Variants in PLCG2 observed in about 807,000 individuals in gnomAD.
PLCG2 encodes the protein 1-phosphatidylinositol 4,5-bisphosphate phosphodiesterase gamma-2.
A neutral mutation model predicts 175.6 loss-of-function variants in PLCG2; 69 were observed. The ratio of observed to expected loss-of-function variants is 0.39; its 90% confidence interval spans 0.32 to 0.48. The LOEUF (loss-of-function observed/expected upper bound fraction) is 0.48, where lower values mean the gene tolerates loss of function less well. PLCG2 is among the 20% of genes least tolerant of loss of function. PLCG2 has a pLI of 0.91. For missense variants in PLCG2, 1,798 were observed against 1,650.9 expected (o/e 1.09, Z -1.54); for synonymous variants, 827 against 624.0 (o/e 1.33, Z -4.85).
At chr16:81,868,311 C>G (rs1907345643) in intron 5 of PLCG2, among the ~76,000 whole-genome samples, 1 of 145,300 alleles carries the variant, frequency 6.9e-6, no homozygotes, top group African/African-American at 2.5e-5. Context: ...CACTTCCCCT[C>G]CCTGGCCCTT....
intron 2 of PLCG2, among the ~76,000 whole-genome samples, chr16:81,824,772 C>T (rs558133422): frequency 6.6e-6 from 1 of 151,908 alleles, no homozygotes; most frequent in African/African-American, 2.4e-5. Context: ...CCTGCACATA[C>T]CCCCAAAGGT....
intron 2 of PLCG2, among the ~76,000 whole-genome samples, chr16:81,814,699 G>A (rs970007441): frequency 6.6e-4 from 98 of 147,438 alleles, no homozygotes; most frequent in African/African-American, 2.3e-3. Context: ...TGTCTCAAAA[G>A]AAAAAAAAAA....
chr16:81,817,524 G>A (rs1430268535), intron 2 of PLCG2, among the ~76,000 whole-genome samples: 1 of 152,232 alleles, frequency 6.6e-6, no homozygotes, highest in Non-Finnish European at 1.5e-5. Context: ...GTTTGGTGTT[G>A]CTACAGCTTC....
intron 2 of PLCG2, among the ~76,000 whole-genome samples, chr16:81,841,674 G>C (rs765985050): frequency 6.6e-6 from 1 of 152,172 alleles, no homozygotes; most frequent in Non-Finnish European, 1.5e-5. Context: ...GAGAGAAAGA[G>C]CTGGATTTAA....
chr16:81,954,536 C>A (rs1911490113), intron 31 of PLCG2, among the ~76,000 whole-genome samples: 1 of 152,162 alleles, frequency 6.6e-6, no homozygotes, highest in South Asian at 2.1e-4. Flanking sequence ...TTGTTGCCCT[C>A]CCTGTGTCCT....
chr16:81,895,585 G>C (rs947734404), intron 12 of PLCG2: 1 of 464,526 alleles, frequency 2.2e-6, no homozygotes, highest in Admixed American at 3.7e-5. Context: ...GAAAAAAAAA[G>C]CAGCATTGAA....
intron 19 of PLCG2, among the ~76,000 whole-genome samples, chr16:81,916,533 T>C (rs1282911603): frequency 6.6e-6 from 1 of 152,138 alleles, no homozygotes; most frequent in African/African-American, 2.4e-5. Flanking sequence ...TATGTATACA[T>C]GGTGAAATGG....
chr16:81,895,411 T>C (rs1307676100), intron 12 of PLCG2, among the ~76,000 whole-genome samples: 2 of 152,130 alleles, frequency 1.3e-5, no homozygotes, highest in East Asian at 3.9e-4. Flanking sequence ...TACAAAAAAA[T>C]TAGCCGAGCG....
At chr16:81,900,927 A>G (rs1597118714) in intron 14 of PLCG2, 147 bp downstream of exon 14, 2 of 654,222 alleles carry the variant, frequency 3.1e-6, no homozygotes, top group Non-Finnish European at 5.1e-6. Context: ...CCTTACTAAC[A>G]CTGTGACCTT....
chr16:81,871,114 C>A (rs568888799), intron 7 of PLCG2, among the ~76,000 whole-genome samples, 179 bp downstream of exon 7: 2 of 152,258 alleles, frequency 1.3e-5, no homozygotes, highest in South Asian at 4.1e-4. Flanking sequence ...AATTCTTTAA[C>A]CATGACAGAG....
chr16:81,871,065 A>G, intron 7 of PLCG2, 130 bp downstream of exon 7: 1 of 560,756 alleles, frequency 1.8e-6, no homozygotes, highest in East Asian at 3.1e-5. Context: ...ATAAATGAGA[A>G]TGATGAAAGC....
intron 25 of PLCG2, among the ~76,000 whole-genome samples, chr16:81,933,337 C>T (rs1910581664): frequency 2.6e-5 from 4 of 152,206 alleles, no homozygotes; most frequent in African/African-American, 4.8e-5. Flanking sequence ...GGCCCCATCC[C>T]ACTCTTGGGA....
chr16:81,769,661 C>G (rs1177373622), intron 2 of PLCG2, among the ~76,000 whole-genome samples: 8 of 149,832 alleles, frequency 5.3e-5, no homozygotes. Context: ...ACTAAAAATA[C>G]AAAAAAAAAT....
At chr16:81,752,028 T>C (rs989999155) in intron 1 of PLCG2, among the ~76,000 whole-genome samples, 1 of 150,980 alleles carries the variant, frequency 6.6e-6, no homozygotes, top group Non-Finnish European at 1.5e-5. Flanking sequence ...TCTCAAAAAA[T>C]AAATATAAAA....
intron 2 of PLCG2, among the ~76,000 whole-genome samples, chr16:81,851,794 T>G (rs117705563): frequency 0.064 from 9,785 of 152,288 alleles, 349 homozygotes; most frequent in Non-Finnish European, 0.087. Flanking sequence ...ATTACAGGCG[T>G]GGGCCACCAG....
intron 2 of PLCG2, among the ~76,000 whole-genome samples, chr16:81,806,931 G>T (rs184939672): frequency 9.9e-5 from 15 of 152,152 alleles, no homozygotes; most frequent in African/African-American, 3.4e-4. Context: ...GGCTGTGGAG[G>T]CCTCCATAGC....
At chr16:81,777,251 A>T (rs1437402134), upstream of PLCG2, among the ~76,000 whole-genome samples, 1 of 152,192 alleles carries the variant, frequency 6.6e-6, no homozygotes, top group Non-Finnish European at 1.5e-5. Flanking sequence ...TGGTCTCCAC[A>T]CATTCTGATT....
At chr16:81,885,908 G>A (rs537269253) in intron 9 of PLCG2, among the ~76,000 whole-genome samples, 68 of 152,284 alleles carry the variant, frequency 4.5e-4, no homozygotes, top group African/African-American at 1.6e-3. Flanking sequence ...TCAAAAGAAG[G>A]CTTATTTGCC....
intron 15 of PLCG2, chr16:81,906,144 A>T (rs1215399894): frequency 2.6e-5 from 4 of 152,228 alleles, no homozygotes; most frequent in Non-Finnish European, 5.9e-5. Context: ...CATTGGTACA[A>T]TACTAATAAC....
Sources: allele counts gnomAD v4.1 joint callset (sites outside exome capture counted in the v4.1 genomes callset), GRCh38; gene constraint gnomAD v4.1.1; transcripts MANE v1.5; gene names NCBI Gene and HGNC (gene_info 2026-07-23, HGNC 2026-07-21).